The following OTUD6B variants were observed in gnomAD, a reference collection of about 807,000 sequenced individuals.
The protein encoded by OTUD6B is deubiquitinase OTUD6B.
OTUD6B carries 41 observed loss-of-function variants against 36.9 expected under a neutral mutation model. The observed-to-expected ratio is 1.11, with a 90% confidence interval of 0.87 to 1.44. The LOEUF is 1.44. Ranked by LOEUF, OTUD6B falls within the 40% of genes most tolerant of loss-of-function variation. The pLI is 0.00. For missense variants in OTUD6B, 356 were observed against 344.8 expected, an observed-to-expected ratio of 1.03 and a Z score of -0.26; for synonymous variants, 114 against 114.2, an observed-to-expected ratio of 1.00 and a Z score of 0.01.
At chr8:91,078,136 T>C (rs1812834590) in intron 3 of OTUD6B, 5 of 465,260 alleles carry the variant, frequency 1.1e-5, no homozygotes, top group Non-Finnish European at 1.4e-5. Flanking sequence ...GCTTTCTTAA[T>C]GTCCAGTATA....
At chr8:91,076,598 G>A in intron 3 of OTUD6B, 1 of 1,531,220 alleles carries the variant, frequency 6.5e-7, no homozygotes, top group Non-Finnish European at 8.7e-7. Flanking sequence ...TCAGGTGCCT[G>A]GATAGAAGGA....
chr8:91,082,399 CAG>C (rs1563583462), intron 5 of OTUD6B, among the ~76,000 whole-genome samples: 1 of 152,002 alleles, frequency 6.6e-6, no homozygotes, highest in African/African-American at 2.4e-5. Flanking sequence ...CTTTTTGAGA[CAG>C]AGTCTCACTC....
chr8:91,074,533 G>A (rs956108473), intron 3 of OTUD6B, among the ~76,000 whole-genome samples: 28 of 152,040 alleles, frequency 1.8e-4, no homozygotes, highest in Admixed American at 1.8e-3. Context: ...AGGAGGAGCA[G>A]CATGCACAAA....
In OTUD6B at chr8:91,085,763, A is replaced by G. The variant is rs185195505; in HGVS notation, c.*895A>G. 7 of 152,030 alleles carry G rather than the reference A, an allele frequency of 4.6e-5. No homozygotes were observed. The highest frequency in any genetic ancestry group is 3.9e-4 in the East Asian group (2 of 5,172). The allele number at this position is 152,030 out of a possible 1,614,324, so 9.4% of individuals were successfully genotyped here. A position where few individuals can be genotyped will look rare whatever the true frequency, so the allele number is the denominator to read the frequency against. On this transcript the variant is annotated 3_prime_UTR_variant, in exon 7 of 7. Coordinates refer to ENST00000404789, the MANE Select transcript of OTUD6B (RefSeq NM_016023.5). ...CATTTTGTGGCCTTTACCTTGTGCA[A>G]TTTTAGGGAGTAGCAGTGTAAAAGG... is the stretch of plus-strand genomic sequence containing the variant.
chr8:91,075,269 TTGTC>T (rs1812780637), intron 3 of OTUD6B, among the ~76,000 whole-genome samples: 1 of 152,084 alleles, frequency 6.6e-6, no homozygotes, highest in East Asian at 1.9e-4. Flanking sequence ...ATCTTGGAGA[TTGTC>T]TGCTTAGGAT....
chr8:91,083,773 G>GA (rs1472765098), intron 5 of OTUD6B: 1 of 168,286 alleles, frequency 5.9e-6, no homozygotes, highest in African/African-American at 2.4e-5. Context: ...TCCCAAATCT[G>GA]AAAAATTCAA....
At chr8:91,083,038 A>C (rs1401519086) in intron 5 of OTUD6B, among the ~76,000 whole-genome samples, 1 of 151,932 alleles carries the variant, frequency 6.6e-6, no homozygotes, top group African/African-American at 2.4e-5. Flanking sequence ...TAAAAATGTT[A>C]GCATTAATGT....
intron 3 of OTUD6B, among the ~76,000 whole-genome samples, chr8:91,078,033 C>T (rs543330117): frequency 6.6e-6 from 1 of 152,150 alleles, no homozygotes; most frequent in African/African-American, 2.4e-5. Flanking sequence ...CCTAGGATAA[C>T]TCAGTCTTAA....
At chr8:91,083,798 C>A in intron 5 of OTUD6B, 1 of 201,330 alleles carries the variant, frequency 5.0e-6, no homozygotes, top group Non-Finnish European at 8.8e-6. Flanking sequence ...TAAAACAATT[C>A]TGGTTCCAGG....
chr8:91,079,570 T>C (rs914922488), intron 4 of OTUD6B, among the ~76,000 whole-genome samples: 1 of 152,170 alleles, frequency 6.6e-6, no homozygotes, highest in Admixed American at 6.5e-5. Context: ...AGATGTCATA[T>C]TGGAAATGTT....
rs755483041 is a variant in OTUD6B at position 91,078,664 on chromosome 8, T to G, written c.624T>G (p.Thr208=). Residue 208 remains threonine, a synonymous_variant, in exon 4 of 7, where the codon ACT becomes ACG. Coordinates refer to ENST00000404789, the MANE Select transcript of OTUD6B (RefSeq NM_016023.5). ...LTNPNTGDMY[T]PEEFQKYCED... ...ACCCTAATACAGGAGATATGTATAC[T>G]CCAGGTAATTTATTTTTCTTTACTA... 1 of 1,534,188 alleles carries G rather than the reference T, an allele frequency of 6.5e-7. No homozygotes were observed. Among genetic ancestry groups the G allele is most frequent in the Non-Finnish European group, 8.8e-7 (1 of 1,136,606 alleles).
Position 91,071,157 on chromosome 8 carries a change from G to A in OTUD6B, c.102G>A (p.Lys34=), listed in dbSNP as rs1812687942. The A allele has an allele frequency of 1.2e-6, 2 of 1,612,966 alleles. No homozygotes were observed. The highest frequency in any genetic ancestry group is 1.3e-5 in the African/African-American group (1 of 74,826). ...TTTCAGCCAAAATTCAGGGCATGAA[G>A]AATGCTGTTCCCAAGAATGACAAGA... The part of the protein sequence containing the change: ...KELQAKIQGM[K]NAVPKNDKKR... Residue 34 remains lysine (K), a synonymous_variant, in exon 2 of 7, where the codon AAG becomes AAA. Coordinates refer to ENST00000404789, the MANE Select transcript of OTUD6B (RefSeq NM_016023.5).
chr8:91,075,024 A>G (rs566089828), intron 3 of OTUD6B, among the ~76,000 whole-genome samples: 2 of 152,094 alleles, frequency 1.3e-5, no homozygotes, highest in Admixed American at 6.6e-5. Context: ...TTGTTTCTAT[A>G]TTAAGTAGTG....
rs142606113 is a variant in OTUD6B at position 91,078,544 on chromosome 8, A to G, written c.504A>G (p.Lys168=). Residue 168 remains lysine, a synonymous_variant, in exon 4 of 7, where the codon AAA becomes AAG. Coordinates refer to ENST00000404789, the MANE Select transcript of OTUD6B (RefSeq NM_016023.5). ...ATAAAGCCATTGAAGATCAACTGAAAGAAAAGGATTGTGCTCTGACTGTGG... is the reference window on the plus strand; with the variant it reads ...ATAAAGCCATTGAAGATCAACTGAAGGAAAAGGATTGTGCTCTGACTGTGG... ...CMYKAIEDQL[K]EKDCALTVVA... 1.2e-6 allele frequency: 2 copies of G among 1,609,694 alleles called. No individual in the cohort carries two copies. Among genetic ancestry groups the G allele is most frequent in the African/African-American group, 1.3e-5 (1 of 74,850 alleles).
intron 2 of OTUD6B, among the ~76,000 whole-genome samples, chr8:91,071,599 C>T (rs1046010383): frequency 6.6e-6 from 1 of 152,128 alleles, no homozygotes; most frequent in South Asian, 2.1e-4. Flanking sequence ...CCACCCGCCT[C>T]GGCCTCCCAA....
At chr8:91,076,619 TTG>T in intron 3 of OTUD6B, 1 of 1,532,696 alleles carries the variant, frequency 6.5e-7, no homozygotes, top group Non-Finnish European at 8.7e-7. Context: ...GCTCTCTGTG[TTG>T]TCCTTGGTCC....
intron 6 of OTUD6B, among the ~76,000 whole-genome samples, 171 bp downstream of exon 6, chr8:91,084,285 C>G (rs1461730419): frequency 6.6e-6 from 1 of 152,046 alleles, no homozygotes; most frequent in Non-Finnish European, 1.5e-5. Flanking sequence ...AAGGTTATAA[C>G]ATTTTAGGAC....
rs1189926714 is a variant in OTUD6B, at chr8:91,086,105, T to G, written c.*1237T>G. ...GATATATACAAATGTCTCTCATAATTTATGTAAGGAAATATTATGAAAATG... is the reference window on the plus strand; with the variant it reads ...GATATATACAAATGTCTCTCATAATGTATGTAAGGAAATATTATGAAAATG... On this transcript the variant is annotated 3_prime_UTR_variant, in exon 7 of 7. Transcript: ENST00000404789. 6.6e-6 allele frequency: 1 copy of G among 152,044 alleles called. No individual in the cohort carries two copies. Among genetic ancestry groups the G allele is most frequent in the Non-Finnish European group, 1.5e-5 (1 of 67,970 alleles). The allele number at this position is 152,044 out of a possible 1,614,324, so 9.4% of individuals were successfully genotyped here.
In OTUD6B at chr8:91,085,614, T is replaced by C. The variant is rs1415487858; in HGVS notation, c.*746T>C. 2.6e-5 allele frequency: 4 copies of C among 152,088 alleles called. No homozygotes were observed. The highest frequency in any genetic ancestry group is 5.9e-5 in the Non-Finnish European group (4 of 67,980). The allele number at this position is 152,088 out of a possible 1,614,324, so 9.4% of individuals were successfully genotyped here. On this transcript the variant is annotated 3_prime_UTR_variant, in exon 7 of 7. Transcript: ENST00000404789. Reference sequence around the variant, plus strand: ...GGTTACTGTCTTTTTAATGCATTTGTTATTCTTTCGTATTTTTTAAGCATC... The same window carrying C: ...GGTTACTGTCTTTTTAATGCATTTGCTATTCTTTCGTATTTTTTAAGCATC...
Sources: gnomAD v4.1 joint callset for allele counts (sites outside exome capture counted in the v4.1 genomes callset) on GRCh38, gnomAD v4.1.1 for gene constraint, MANE v1.5 for transcripts, NCBI Gene and HGNC (gene_info 2026-07-23, HGNC 2026-07-21) for gene names.